The following PCDH7 variants were observed in gnomAD, a reference collection of about 807,000 sequenced individuals.
The protein encoded by PCDH7 is protocadherin-7.
Under a neutral mutation model 58.9 loss-of-function variants are expected in PCDH7, and 17 were observed. The observed-to-expected ratio is 0.29, with a 90% CI of 0.20 to 0.43. The LOEUF is 0.43. Among genes scored for constraint, PCDH7 ranks in the 20% least tolerant of loss-of-function variants. The pLI, the probability that PCDH7 is intolerant of heterozygous loss-of-function variation, is 1.00. For missense variants in PCDH7, 1,274 were observed against 1,441.0 expected (o/e 0.88, Z 1.88); for synonymous variants, 664 against 616.4 (o/e 1.08, Z -1.14).
chr4:30,899,851 C>G (rs1057399764), intron 1 of PCDH7, among the ~76,000 whole-genome samples: 1 of 152,012 alleles, frequency 6.6e-6, no homozygotes, highest in African/African-American at 2.4e-5. Flanking sequence ...AAGGGGTGGA[C>G]CTGACTCCCA....
chr4:30,859,427 TA>T (rs1733906737), intron 1 of PCDH7, among the ~76,000 whole-genome samples: 1 of 151,952 alleles, frequency 6.6e-6, no homozygotes, highest in African/African-American at 2.4e-5. Flanking sequence ...GAGAAAGCTC[TA>T]ATTCTTCTTT....
At chr4:31,106,739 A>G (rs904004329) in intron 3 of PCDH7, among the ~76,000 whole-genome samples, 2 of 152,298 alleles carry the variant, frequency 1.3e-5, no homozygotes, top group African/African-American at 4.8e-5. Context: ...AATTGGCCAC[A>G]CTCATGTTGA....
rs115459704 is a variant in PCDH7 at position 30,996,509 on chromosome 4, C to T, written c.*7+46294C>T. On this transcript the variant is annotated intron_variant, in intron 3 of 3. Coordinates refer to the PCDH7 transcript ENST00000509759. Reference sequence around the variant, plus strand: ...AGGAAAGAGGAAAATGACTTTTCTTCCCCTCCGAGAGACTTTGTTGGTTTA... The same window carrying T: ...AGGAAAGAGGAAAATGACTTTTCTTTCCCTCCGAGAGACTTTGTTGGTTTA... 3.5e-3 allele frequency among the ~76,000 whole-genome samples: 533 copies of T among 152,204 alleles called. 3 individuals carry two copies. The highest frequency in any genetic ancestry group is 0.012 in the African/African-American group (507 of 41,550).
At chr4:31,031,816 A>G (rs182201730) in intron 3 of PCDH7, among the ~76,000 whole-genome samples, 46 of 152,322 alleles carry the variant, frequency 3.0e-4, no homozygotes, top group South Asian at 1.2e-3. Context: ...CTTCAAACTT[A>G]CTTACAAAGA....
At chr4:31,129,381 T>C (rs967867881) in intron 3 of PCDH7, among the ~76,000 whole-genome samples, 2 of 152,214 alleles carry the variant, frequency 1.3e-5, no homozygotes, top group East Asian at 1.9e-4. Flanking sequence ...AGTCAAGGAA[T>C]AGCAGAAGAA....
intron 1 of PCDH7, among the ~76,000 whole-genome samples, chr4:30,834,987 T>C (rs955952796): frequency 2.6e-5 from 4 of 151,976 alleles, no homozygotes; most frequent in Non-Finnish European, 5.9e-5. Context: ...AATACATGTG[T>C]ATGCAATAAA....
intron 3 of PCDH7, among the ~76,000 whole-genome samples, chr4:31,129,189 G>C (rs1470928859): frequency 6.6e-6 from 1 of 152,140 alleles, no homozygotes; most frequent in African/African-American, 2.4e-5. Flanking sequence ...GATATTTACA[G>C]AAAAGGTCAT....
At chr4:30,891,774 T>TG (rs1025020908) in intron 1 of PCDH7, among the ~76,000 whole-genome samples, 15 of 37,214 alleles carry the variant, frequency 4.0e-4, no homozygotes, top group African/African-American at 2.0e-3. Context: ...TGTTTTTTTG[T>TG]TTTTTTTTTT....
intron 1 of PCDH7, among the ~76,000 whole-genome samples, chr4:30,808,596 A>G (rs1309352284): frequency 2.0e-5 from 3 of 152,072 alleles, no homozygotes; most frequent in Admixed American, 2.0e-4. Flanking sequence ...CATATAAGCA[A>G]TTACTTTTTT....
intron 2 of PCDH7, among the ~76,000 whole-genome samples, chr4:30,949,389 C>T (rs1275531019): frequency 6.6e-6 from 1 of 152,036 alleles, no homozygotes; most frequent in East Asian, 1.9e-4. Context: ...GTTATTAAAA[C>T]AACTAATCTT....
chr4:30,748,934 C>T (rs146122501), intron 1 of PCDH7, among the ~76,000 whole-genome samples: 1 of 152,122 alleles, frequency 6.6e-6, no homozygotes, highest in African/African-American at 2.4e-5. Flanking sequence ...GTAGTTATAT[C>T]TGGCACTAGT....
intron 1 of PCDH7, among the ~76,000 whole-genome samples, chr4:30,859,249 A>G (rs1733881182): frequency 2.0e-5 from 3 of 152,142 alleles, no homozygotes; most frequent in African/African-American, 7.2e-5. Context: ...TCAATATATG[A>G]TAACCACACA....
At chr4:31,005,272 C>T (rs934509138) in intron 3 of PCDH7, among the ~76,000 whole-genome samples, 1 of 152,142 alleles carries the variant, frequency 6.6e-6, no homozygotes, top group Admixed American at 6.5e-5. Context: ...AGCGACACTC[C>T]TTTGCATTTA....
rs958414429 is a variant in PCDH7, at chr4:31,005,563, G to T, written c.*7+55348G>T. Among the ~76,000 whole-genome samples the T allele has an allele frequency of 2.6e-5, 4 of 152,174 alleles. 1 individual carries two copies. The highest frequency in any genetic ancestry group is 1.3e-4 in the Admixed American group (2 of 15,276). ...CCAATGTGTTCCCTCTGTTCTGTTAGGTTTATCGGCATGATACGATTTCAA... is the reference window on the plus strand; with the variant it reads ...CCAATGTGTTCCCTCTGTTCTGTTATGTTTATCGGCATGATACGATTTCAA... On this transcript the variant is annotated intron_variant, in intron 3 of 3. Coordinates refer to the PCDH7 transcript ENST00000509759.
chr4:30,812,087 C>T (rs190966734), intron 1 of PCDH7, among the ~76,000 whole-genome samples: 22 of 152,222 alleles, frequency 1.4e-4, no homozygotes, highest in African/African-American at 4.3e-4. Context: ...ATTCCAAGAA[C>T]GGCAAATGAG....
intron 1 of PCDH7, among the ~76,000 whole-genome samples, chr4:30,758,530 A>G (rs1719606822): frequency 6.6e-6 from 1 of 152,236 alleles, no homozygotes; most frequent in African/African-American, 2.4e-5. Context: ...AAGGCTCTTG[A>G]TATTGTGGTT....
At chr4:31,037,537 A>T (rs1755522518) in intron 3 of PCDH7, among the ~76,000 whole-genome samples, 1 of 152,194 alleles carries the variant, frequency 6.6e-6, no homozygotes, top group African/African-American at 2.4e-5. Context: ...TGCCTTGAGA[A>T]TATGGGCCAT....
Position 30,724,616 on chromosome 4 carries a change from T to G in PCDH7, c.3174+20T>G, listed in dbSNP as rs1714347200. On this transcript the variant is annotated intron_variant, in intron 1 of 1. Coordinates refer to ENST00000361762, the Ensembl canonical transcript of PCDH7. ...AAACAGGTAAGATGTATCCCAAATATATTTAAATATCCCAGGGAGGGCTAA... is the reference window on the plus strand; with the variant it reads ...AAACAGGTAAGATGTATCCCAAATAGATTTAAATATCCCAGGGAGGGCTAA... 1 of 1,609,138 alleles carries G rather than the reference T, an allele frequency of 6.2e-7. No homozygotes were observed. Among genetic ancestry groups the G allele is most frequent in the Admixed American group, 1.7e-5 (1 of 59,756 alleles).
chr4:31,093,538 T>C (rs1560217704), intron 3 of PCDH7, among the ~76,000 whole-genome samples: 2 of 152,100 alleles, frequency 1.3e-5, no homozygotes, highest in Non-Finnish European at 2.9e-5. Context: ...ATATTTGTTT[T>C]CTACAGCCTT....
Sources: allele counts gnomAD v4.1 joint callset (sites outside exome capture counted in the v4.1 genomes callset), GRCh38; gene constraint gnomAD v4.1.1; transcripts MANE v1.5; gene names NCBI Gene and HGNC (gene_info 2026-07-23, HGNC 2026-07-21).